NEK7: variants seen among roughly 807,000 people sequenced by gnomAD.
NEK7 encodes NIMA related kinase 7, also known as serine/threonine-protein kinase Nek7.
Under a neutral mutation model 44.6 loss-of-function variants are expected in NEK7, and 18 were observed. The ratio of observed to expected loss-of-function variants is 0.40; its 90% confidence interval spans 0.28 to 0.60. NEK7 has a LOEUF of 0.60. NEK7 is among the 20% of genes least tolerant of loss of function. The pLI is 0.38. For synonymous variants in NEK7, 130 were observed against 121.1 expected, an observed-to-expected ratio of 1.07 and a Z score of -0.48; for missense variants, 256 against 366.5, an observed-to-expected ratio of 0.70 and a Z score of 2.46.
chr1:198,291,152 A>G (rs1442695356), intron 7 of NEK7, among the ~76,000 whole-genome samples: 1 of 152,188 alleles, frequency 6.6e-6, no homozygotes, highest in Non-Finnish European at 1.5e-5. Context: ...GCTACTGGTT[A>G]AAATTACCTT....
At chr1:198,298,294 A>C (rs1336894762) in intron 9 of NEK7, among the ~76,000 whole-genome samples, 1 of 152,196 alleles carries the variant, frequency 6.6e-6, no homozygotes, top group African/African-American at 2.4e-5. Flanking sequence ...GTATTATGTA[A>C]GGAAATTTGA....
chr1:198,299,592 AAC>A (rs914991230), intron 9 of NEK7, among the ~76,000 whole-genome samples: 27 of 152,340 alleles, frequency 1.8e-4, no homozygotes, highest in African/African-American at 6.5e-4. Context: ...CTACAATGAT[AAC>A]AGAGTGTGTA....
At chr1:198,289,717 A>G (rs10494771) in intron 7 of NEK7, among the ~76,000 whole-genome samples, 30,159 of 152,138 alleles carry the variant, frequency 0.2, 3,574 homozygotes, top group African/African-American at 0.32. Context: ...ACTATTCTGT[A>G]TATAACCTGC....
At chr1:198,172,176 C>T (rs1664470221) in intron 1 of NEK7, among the ~76,000 whole-genome samples, 1 of 152,136 alleles carries the variant, frequency 6.6e-6, no homozygotes, top group Non-Finnish European at 1.5e-5. Context: ...GGTTAGCCCA[C>T]AGTGTTTTGG....
At chr1:198,304,759 G>A (rs16842730) in intron 9 of NEK7, among the ~76,000 whole-genome samples, 12,561 of 152,076 alleles carry the variant, frequency 0.083, 686 homozygotes, top group East Asian at 0.17. Flanking sequence ...TATACAGATC[G>A]AAATGTATTA....
At chr1:198,167,542 C>G (rs12093820) in intron 1 of NEK7, among the ~76,000 whole-genome samples, 3,876 of 152,198 alleles carry the variant, frequency 0.025, 162 homozygotes, top group African/African-American at 0.089. Flanking sequence ...CCTTCTCAAC[C>G]AAACGGTCCC....
At chr1:198,261,696 A>G (rs1653476003) in intron 3 of NEK7, among the ~76,000 whole-genome samples, 1 of 151,892 alleles carries the variant, frequency 6.6e-6, no homozygotes, top group South Asian at 2.1e-4. Flanking sequence ...GCTTTTTTAA[A>G]TGTTATTTTC....
At chr1:198,169,479 C>T (rs922871976) in intron 1 of NEK7, among the ~76,000 whole-genome samples, 1 of 152,136 alleles carries the variant, frequency 6.6e-6, no homozygotes, top group African/African-American at 2.4e-5. Flanking sequence ...ACCATATTGC[C>T]TGACTCACTC....
At chr1:198,185,403 A>G (rs963585931) in intron 1 of NEK7, among the ~76,000 whole-genome samples, 1 of 151,774 alleles carries the variant, frequency 6.6e-6, no homozygotes, top group Non-Finnish European at 1.5e-5. Flanking sequence ...ATATATATAT[A>G]TTTTTAACTT....
intron 1 of NEK7, among the ~76,000 whole-genome samples, chr1:198,228,760 G>A (rs1201113419): frequency 1.3e-5 from 2 of 152,176 alleles, no homozygotes; most frequent in African/African-American, 4.8e-5. Context: ...AGCTTAAGGA[G>A]ATTTTGGGCT....
intron 1 of NEK7, among the ~76,000 whole-genome samples, chr1:198,180,528 A>G (rs1664735385): frequency 6.6e-6 from 1 of 152,082 alleles, no homozygotes; most frequent in African/African-American, 2.4e-5. Flanking sequence ...CTTGGTGGTG[A>G]TAGAGACAGG....
intron 3 of NEK7, among the ~76,000 whole-genome samples, chr1:198,259,557 A>G (rs531230179): frequency 5.3e-5 from 8 of 152,196 alleles, no homozygotes; most frequent in African/African-American, 1.9e-4. Flanking sequence ...GAATGGCATC[A>G]GCATTTATGA....
At chr1:198,175,931 T>G (rs970308641) in intron 1 of NEK7, among the ~76,000 whole-genome samples, 3 of 152,200 alleles carry the variant, frequency 2.0e-5, no homozygotes, top group African/African-American at 7.2e-5. Flanking sequence ...TTTGATTTGT[T>G]GTTTCAGAGA....
intron 2 of NEK7, among the ~76,000 whole-genome samples, chr1:198,252,556 ATATATAT>A (rs1558079216): frequency 0.077 from 5,392 of 69,656 alleles, 318 homozygotes; most frequent in Middle Eastern, 0.11. Context: ...ATATATATAT[ATATATAT>A]ATATAAAAAG....
At chr1:198,231,315 A>G (rs989915973) in intron 1 of NEK7, among the ~76,000 whole-genome samples, 6 of 141,882 alleles carry the variant, frequency 4.2e-5, no homozygotes, top group African/African-American at 7.9e-5. Flanking sequence ...ATATATATAT[A>G]TATATATATA....
chr1:198,205,999 A>G (rs1280905104), intron 1 of NEK7, among the ~76,000 whole-genome samples: 2 of 152,144 alleles, frequency 1.3e-5, no homozygotes, highest in Non-Finnish European at 2.9e-5. Context: ...TAAGGATGAT[A>G]TATTATTTAT....
At chr1:198,297,926 C>T (rs1654761610) in intron 9 of NEK7, among the ~76,000 whole-genome samples, 1 of 152,088 alleles carries the variant, frequency 6.6e-6, no homozygotes, top group African/African-American at 2.4e-5. Context: ...CTTTGGTAAC[C>T]CATTGAAGTG....
At chr1:198,157,480 G>C (rs1663935576) in intron 1 of NEK7, among the ~76,000 whole-genome samples, 1 of 152,154 alleles carries the variant, frequency 6.6e-6, no homozygotes, top group African/African-American at 2.4e-5. Flanking sequence ...CGGTGGGAGG[G>C]GGCGGCAGGA....
At chr1:198,202,680 A>G (rs1246391840) in intron 1 of NEK7, among the ~76,000 whole-genome samples, 2 of 152,222 alleles carry the variant, frequency 1.3e-5, no homozygotes, top group African/African-American at 4.8e-5. Context: ...GCAGCAGATG[A>G]GAGAATGAGA....
Sources: allele counts gnomAD v4.1 joint callset (sites outside exome capture counted in the v4.1 genomes callset), GRCh38; gene constraint gnomAD v4.1.1; transcripts MANE v1.5; gene names NCBI Gene and HGNC (gene_info 2026-07-23, HGNC 2026-07-21).